The following ATP7B variants were observed in gnomAD, a reference collection of about 807,000 sequenced individuals.
ATP7B encodes copper-transporting ATPase 2.
In ATP7B, 113 loss-of-function variants were observed where a neutral mutation model predicts 118.9. The observed-to-expected ratio is 0.95, with a 90% confidence interval of 0.82 to 1.11. The LOEUF (loss-of-function observed/expected upper bound fraction) is 1.11, where lower values mean the gene tolerates loss of function less well. Among genes scored for constraint, ATP7B ranks in the 50% most tolerant of loss-of-function variants. The pLI, the probability that ATP7B is intolerant of heterozygous loss-of-function variation, is 0.00. For synonymous variants in ATP7B, 777 were observed against 727.4 expected, an observed-to-expected ratio of 1.07 and a Z score of -1.10; for missense variants, 1,867 against 1,871.4, an observed-to-expected ratio of 1.00 and a Z score of 0.04.
At chr13:51,963,771 C>T (rs114065385) in intron 5 of ATP7B, among the ~76,000 whole-genome samples, 1 of 148,386 alleles carries the variant, frequency 6.7e-6, no homozygotes, top group Admixed American at 6.8e-5. Flanking sequence ...TCTCCAAGGC[C>T]GGGCACAGTG....
At chr13:51,943,338 C>T (rs1379594087) in intron 14 of ATP7B, among the ~76,000 whole-genome samples, 1 of 152,164 alleles carries the variant, frequency 6.6e-6, no homozygotes, top group African/African-American at 2.4e-5. Context: ...CAAGATTCTC[C>T]CTGAAATGTC....
At position 51,939,205 on chromosome 13, in the gene ATP7B, C is replaced by A. The variant is rs1046621803; in HGVS notation, c.3557-12G>T. The A allele has an allele frequency of 2.6e-5, 42 of 1,612,014 alleles. No individual in the cohort carries two copies. Among genetic ancestry groups the A allele is most frequent in the Non-Finnish European group, 3.5e-5 (41 of 1,180,018 alleles). ...CCCACAGAGCACACCTGGAGCGAAC[C>A]AGCCAGCATCAGCAGCTACACAAGT... On this transcript the variant is annotated splice_polypyrimidine_tract_variant and intron_variant, in intron 16 of 20. Coordinates refer to ENST00000242839, the MANE Select transcript of ATP7B (RefSeq NM_000053.4).
At chr13:52,007,528 C>T (rs143930660) in intron 1 of ATP7B, among the ~76,000 whole-genome samples, 3 of 152,356 alleles carry the variant, frequency 2.0e-5, no homozygotes, top group South Asian at 2.1e-4. Flanking sequence ...TTTCCACTCA[C>T]GACACTTCTG....
chr13:51,941,136 G>A lies in ATP7B; in HGVS notation c.3501C>T (p.Asp1167=), dbSNP rs763963568. 2.6e-5 allele frequency: 42 copies of A among 1,614,024 alleles called. No individual in the cohort carries two copies. Among genetic ancestry groups the A allele is most frequent in the East Asian group, 6.7e-5 (3 of 44,898 alleles). Residue 1167 remains aspartate, a synonymous_variant, in exon 16 of 21, where the codon GAC becomes GAT. Transcript: ENST00000242839. The part of the protein sequence containing the change: ...NGLTISSDVS[D]AMTDHEMKGQ... ...CTTTCATCTCGTGGTCTGTCATAGC[G>A]TCACTGACATCGCTAGAAATGGTTA...
chr13:52,011,717 C>T (rs1171643293), upstream of ATP7B, among the ~76,000 whole-genome samples: 3 of 152,234 alleles, frequency 2.0e-5, no homozygotes, highest in Non-Finnish European at 4.4e-5. Flanking sequence ...GCCACAATGT[C>T]CTCTGCCGTG....
chr13:52,010,881 T>C (rs1953993852), intron 1 of ATP7B, among the ~76,000 whole-genome samples: 1 of 152,212 alleles, frequency 6.6e-6, no homozygotes, highest in Admixed American at 6.5e-5. Flanking sequence ...CTTGTACAAT[T>C]AAAATGAATT....
chr13:51,943,397 C>A (rs2138900901), intron 14 of ATP7B, among the ~76,000 whole-genome samples: 1 of 152,088 alleles, frequency 6.6e-6, no homozygotes, highest in Admixed American at 6.5e-5. Context: ...ACATGAAGGA[C>A]AAAACTAGAA....
At chr13:51,994,823 C>A (rs1712922392) in intron 1 of ATP7B, among the ~76,000 whole-genome samples, 1 of 152,190 alleles carries the variant, frequency 6.6e-6, no homozygotes, top group Admixed American at 6.5e-5. Flanking sequence ...AGACCCTGTA[C>A]ACACCACCAG....
intron 3 of ATP7B, 98 bp downstream of exon 3, chr13:51,970,394 C>T: frequency 6.4e-7 from 1 of 1,551,400 alleles, no homozygotes; most frequent in Non-Finnish European, 8.9e-7. Flanking sequence ...ACCTGGTTAT[C>T]AGGGCTACTG....
At position 51,970,620 on chromosome 13, in the gene ATP7B, G is replaced by A. The variant is rs771789585; in HGVS notation, c.1415C>T (p.Pro472Leu). The A allele has an allele frequency of 2.8e-5, 45 of 1,614,002 alleles. No individual in the cohort carries two copies. The highest frequency in any genetic ancestry group is 6.7e-5 in the African/African-American group (5 of 74,892). ...TTGTGGGGACTTTGCCAAGATGTCCGGGGCATGGTTTGCAGGGAGCCTCCC... is the reference window on the plus strand; with the variant it reads ...TTGTGGGGACTTTGCCAAGATGTCCAGGGCATGGTTTGCAGGGAGCCTCCC... ...HTGRLPANHA[P>L]DILAKSPQST... Residue 472 changes from proline (P) to leucine (L), a missense_variant, in exon 3 of 21, where the codon CCG becomes CTG. Transcript: ENST00000242839.
chr13:51,950,474 A>AATAGTT, intron 9 of ATP7B, 75 bp from the exon 10 acceptor site: 1 of 1,595,196 alleles, frequency 6.3e-7, no homozygotes, highest in Non-Finnish European at 8.6e-7. Flanking sequence ...CAGCTGTTAC[A>AATAGTT]ATAGTTACAC....
rs117243535 is a variant in ATP7B, at chr13:51,985,949, C to A, written c.52-10781G>T. ...GGAAATTTCTAGGACTAAATGCCCA[C>A]AAAAGAAAGCTGGAAAGCTCTAAAA... On this transcript the variant is annotated intron_variant, in intron 1 of 20. Transcript: ENST00000242839. Among the ~76,000 whole-genome samples, 128 of 152,236 alleles carry A rather than the reference C, an allele frequency of 8.4e-4. No individual in the cohort carries two copies. In the East Asian group the frequency reaches 0.014, roughly 17 times the overall value.
intron 20 of ATP7B, 72 bp downstream of exon 20, chr13:51,935,521 A>G (rs1956905986): frequency 1.4e-6 from 2 of 1,461,078 alleles, no homozygotes; most frequent in Non-Finnish European, 1.9e-6. Context: ...GGCAAGTTCC[A>G]CTGTGCTAAG....
chr13:51,980,083 T>C lies in ATP7B; in HGVS notation c.52-4915A>G, dbSNP rs9563082. ...TAATTCAGTTCTTCAATTAAGATGA[T>C]CCTTGGGGGAAAAAACTCTCCTGAT... On this transcript the variant is annotated intron_variant, in intron 1 of 20. Coordinates refer to ENST00000242839, the MANE Select transcript of ATP7B (RefSeq NM_000053.4). Among the ~76,000 whole-genome samples, 68 of 152,288 alleles carry C rather than the reference T, an allele frequency of 4.5e-4. 1 individual carries two copies. The East Asian group carries it at 0.012, about 27-fold the overall frequency.
chr13:51,980,660 G>C (rs1952368995), intron 1 of ATP7B, among the ~76,000 whole-genome samples: 1 of 152,160 alleles, frequency 6.6e-6, no homozygotes, highest in Non-Finnish European at 1.5e-5. Flanking sequence ...TTGTTAGAAA[G>C]TGGCTGTGAT....
intron 17 of ATP7B, 78 bp downstream of exon 17, chr13:51,938,973 C>A (rs1046862300): frequency 1.2e-6 from 2 of 1,607,880 alleles, no homozygotes; most frequent in Non-Finnish European, 1.7e-6. Context: ...CAGCTCAGTG[C>A]TGGGCCAACT....
chr13:51,982,180 T>A (rs550862964), intron 1 of ATP7B, among the ~76,000 whole-genome samples: 7 of 152,326 alleles, frequency 4.6e-5, no homozygotes, highest in African/African-American at 1.4e-4. Context: ...GGCAACAATA[T>A]TATTGACTGT....
At chr13:52,011,484 G>C (rs1201386067), upstream of ATP7B, 3 of 949,462 alleles carry the variant, frequency 3.2e-6, no homozygotes, top group African/African-American at 1.6e-5. Flanking sequence ...AAGCAAACAG[G>C]GGTCCGGGAA....
intron 1 of ATP7B, among the ~76,000 whole-genome samples, chr13:51,978,419 G>A (rs1235883692): frequency 6.6e-6 from 1 of 152,236 alleles, no homozygotes; most frequent in Non-Finnish European, 1.5e-5. Context: ...TACATTGCTA[G>A]TGGGAGTGTA....
Sources: allele counts gnomAD v4.1 joint callset (sites outside exome capture counted in the v4.1 genomes callset), GRCh38; gene constraint gnomAD v4.1.1; transcripts MANE v1.5; gene names NCBI Gene and HGNC (gene_info 2026-07-23, HGNC 2026-07-21).